Variants in PRSS23 observed in about 807,000 individuals in gnomAD.
PRSS23 encodes serine protease 23.
In PRSS23, 25 loss-of-function variants were observed where a neutral mutation model predicts 34.7. The observed-to-expected ratio is 0.72, with a 90% CI of 0.53 to 1.01. The LOEUF is 1.01. Ranked by LOEUF, PRSS23 falls within the 50% of genes least tolerant of loss-of-function variation. PRSS23 has a pLI of 0.00. For synonymous variants in PRSS23, 176 were observed against 186.6 expected (o/e 0.94, Z 0.46); for missense variants, 445 against 475.6 (o/e 0.94, Z 0.60).
chr11:86,941,402 T>C (rs1949206553), intron 2 of PRSS23, among the ~76,000 whole-genome samples: 1 of 152,078 alleles, frequency 6.6e-6, no homozygotes, highest in Non-Finnish European at 1.5e-5. Flanking sequence ...GAGGGAAAGG[T>C]TATGTCTTAT....
chr11:86,888,664 G>A (rs1014878305), intron 2 of PRSS23, among the ~76,000 whole-genome samples: 11 of 152,194 alleles, frequency 7.2e-5, no homozygotes, highest in African/African-American at 2.7e-4. Context: ...TCATTTCTGA[G>A]CCATGTCTCC....
chr11:86,860,976 G>C (rs1338295558), intron 2 of PRSS23, among the ~76,000 whole-genome samples: 1 of 151,756 alleles, frequency 6.6e-6, no homozygotes, highest in Non-Finnish European at 1.5e-5. Flanking sequence ...ACACCCTCCT[G>C]TGATACTGTT....
At chr11:86,828,086 C>T (rs1199024599) in intron 2 of PRSS23, among the ~76,000 whole-genome samples, 3 of 152,142 alleles carry the variant, frequency 2.0e-5, no homozygotes, top group African/African-American at 4.8e-5. Context: ...CTAATGTTGA[C>T]AGTGGAGTGT....
At chr11:86,928,206 TTA>T (rs1590931632) in intron 2 of PRSS23, among the ~76,000 whole-genome samples, 1 of 136,288 alleles carries the variant, frequency 7.3e-6, no homozygotes, top group Non-Finnish European at 1.6e-5. Context: ...TACAAATATT[TTA>T]TACTTATAAA....
chr11:86,792,612 A>G (rs1218794906), intron 1 of PRSS23, among the ~76,000 whole-genome samples: 1 of 152,238 alleles, frequency 6.6e-6, no homozygotes, highest in African/African-American at 2.4e-5. Context: ...ACATAAGCTG[A>G]AAATAAAACG....
chr11:86,879,515 AC>A (rs1244637939), intron 2 of PRSS23, among the ~76,000 whole-genome samples: 1 of 70,106 alleles, frequency 1.4e-5, no homozygotes, highest in Non-Finnish European at 3.0e-5. Context: ...TCAGCCCCCC[AC>A]CCGGCCAGCC....
At chr11:86,843,596 G>A (rs1337240383) in intron 2 of PRSS23, among the ~76,000 whole-genome samples, 1 of 152,158 alleles carries the variant, frequency 6.6e-6, no homozygotes, top group Non-Finnish European at 1.5e-5. Flanking sequence ...CCATCAAAAA[G>A]TGGGCAAAGA....
chr11:86,793,362 T>C (rs1254838175), intron 1 of PRSS23, among the ~76,000 whole-genome samples: 1 of 152,232 alleles, frequency 6.6e-6, no homozygotes, highest in Non-Finnish European at 1.5e-5. Flanking sequence ...CCTGGGGGAC[T>C]CCATGGTAGA....
chr11:86,799,623 C>A (rs1423513474), upstream of PRSS23, among the ~76,000 whole-genome samples: 5 of 152,192 alleles, frequency 3.3e-5, no homozygotes, highest in Admixed American at 6.5e-5. Flanking sequence ...AATAGGAAGG[C>A]TCTAACACTA....
intron 1 of PRSS23, among the ~76,000 whole-genome samples, chr11:86,792,873 A>T (rs1947959858): frequency 6.6e-6 from 1 of 152,180 alleles, no homozygotes; most frequent in South Asian, 2.1e-4. Flanking sequence ...GACGTTTTTC[A>T]AACTCCATTC....
At chr11:86,843,944 A>T (rs990020136) in intron 2 of PRSS23, among the ~76,000 whole-genome samples, 2 of 152,224 alleles carry the variant, frequency 1.3e-5, no homozygotes, top group Non-Finnish European at 2.9e-5. Context: ...AAATCATTCT[A>T]CTATAAAGAC....
At chr11:86,892,494 G>C (rs1203157718) in intron 2 of PRSS23, 2 of 152,174 alleles carry the variant, frequency 1.3e-5, no homozygotes, top group East Asian at 1.9e-4. Context: ...ATGCAGCCAA[G>C]TCAGATACAC....
Position 86,810,204 on chromosome 11 carries a change from C to T in PRSS23, c.*1409C>T, listed in dbSNP as rs906181769. ...TTTATTTTATGGCTCTCGGCCTAAG[C>T]ACTTCTTTCTAAATGTATCGGAGAA... On this transcript the variant is annotated 3_prime_UTR_variant, in exon 2 of 2. Transcript: ENST00000280258. The T allele has an allele frequency of 1.2e-5, 2 of 166,900 alleles. No homozygotes were observed. The highest frequency in any genetic ancestry group is 2.9e-5 in the Non-Finnish European group (2 of 68,122). 10.3% of individuals were successfully genotyped at this position (166,900 alleles called of 1,614,324 possible). A position where few individuals can be genotyped will look rare whatever the true frequency, so the allele number is the denominator to read the frequency against.
intron 2 of PRSS23, among the ~76,000 whole-genome samples, chr11:86,862,085 C>T (rs935292940): frequency 3.3e-5 from 5 of 151,758 alleles, no homozygotes; most frequent in African/African-American, 1.2e-4. Flanking sequence ...ATATTACTCG[C>T]AATATCGCAG....
intron 2 of PRSS23, among the ~76,000 whole-genome samples, chr11:86,905,077 CAAAA>C: frequency 6.6e-6 from 1 of 151,888 alleles, no homozygotes; most frequent in African/African-American, 2.4e-5. Flanking sequence ...AAAACAAAAA[CAAAA>C]AAACCCATTT....
chr11:86,834,910 A>G (rs1428120635), intron 2 of PRSS23, among the ~76,000 whole-genome samples: 1 of 152,200 alleles, frequency 6.6e-6, no homozygotes, highest in African/African-American at 2.4e-5. Context: ...ATCACTGACC[A>G]CTGCATACCC....
intron 2 of PRSS23, among the ~76,000 whole-genome samples, chr11:86,939,404 AT>A (rs1296296820): frequency 0.12 from 6,930 of 58,684 alleles, 318 homozygotes; most frequent in Middle Eastern, 0.24. Flanking sequence ...AAAAAAAAAA[AT>A]ATATATATAT....
At chr11:86,952,499 A>G in exon 3 of PRSS23, 1 of 1,601,736 alleles carries the variant, frequency 6.2e-7, no homozygotes, top group Non-Finnish European at 8.5e-7. Context: ...GAACACACAC[A>G]AAAAAAACAA....
At chr11:86,863,199 G>A (rs1948627815) in intron 2 of PRSS23, among the ~76,000 whole-genome samples, 1 of 151,762 alleles carries the variant, frequency 6.6e-6, no homozygotes, top group Non-Finnish European at 1.5e-5. Context: ...AATATCCTAG[G>A]GAGACATTAC....
Sources: gnomAD v4.1 joint callset for allele counts (sites outside exome capture counted in the v4.1 genomes callset) on GRCh38, gnomAD v4.1.1 for gene constraint, MANE v1.5 for transcripts, NCBI Gene and HGNC (gene_info 2026-07-23, HGNC 2026-07-21) for gene names.